The following ZNF492 variants were observed in gnomAD, a reference collection of about 807,000 sequenced individuals.
ZNF492 encodes zinc finger protein 492, also known as zinc finger protein 115 (Y20).
In ZNF492, 3 loss-of-function variants were observed where a neutral mutation model predicts 6.4. The observed-to-expected ratio is 0.47, with a 90% confidence interval of 0.21 to 1.22. The LOEUF is 1.22. Among genes scored for constraint, ZNF492 ranks in the 50% most tolerant of loss-of-function variants. ZNF492 has a pLI of 0.22. For missense variants in ZNF492, 356 were observed against 612.5 expected, an observed-to-expected ratio of 0.58 and a Z score of 4.42; for synonymous variants, 112 against 205.3, an observed-to-expected ratio of 0.55 and a Z score of 3.89.
At chr19:22,655,972 G>A (rs544495498) in intron 3 of ZNF492, among the ~76,000 whole-genome samples, 8 of 143,108 alleles carry the variant, frequency 5.6e-5, no homozygotes, top group Admixed American at 1.4e-4. Flanking sequence ...CTACAGGTGC[G>A]TGCCACCATG....
At chr19:22,656,968 G>T (rs1446450393) in intron 3 of ZNF492, among the ~76,000 whole-genome samples, 2 of 152,026 alleles carry the variant, frequency 1.3e-5, no homozygotes, top group Non-Finnish European at 2.9e-5. Flanking sequence ...CTCTCATAAA[G>T]GCATTTTTGT....
chr19:22,651,797 A>C (rs1971942228), intron 1 of ZNF492, among the ~76,000 whole-genome samples: 1 of 152,120 alleles, frequency 6.6e-6, no homozygotes, highest in South Asian at 2.1e-4. Context: ...AAATAAGATT[A>C]AGAAAATGCT....
intron 3 of ZNF492, among the ~76,000 whole-genome samples, chr19:22,655,887 C>T (rs554373815): frequency 2.4e-4 from 32 of 134,182 alleles, no homozygotes; most frequent in African/African-American, 9.0e-4. Context: ...TGCAGTGGCG[C>T]GGCCTCGGCT....
chr19:22,641,717 T>C (rs8112981), intron 1 of ZNF492, among the ~76,000 whole-genome samples: 6,712 of 152,284 alleles, frequency 0.044, 195 homozygotes, highest in Middle Eastern at 0.068. Context: ...CCCACTATTA[T>C]TGTGTCAGTA....
rs1267190954 is a variant in ZNF492, at chr19:22,659,361, G to T, written c.131-4439G>T. On this transcript the variant is annotated intron_variant, in intron 3 of 3. Transcript: ENST00000456783. Reference sequence around the variant, plus strand: ...TGAGAACCATGTGTGTCCTGGTGTTGAGGGGTGTTTTCTATACCTCTGTTA... The same window carrying T: ...TGAGAACCATGTGTGTCCTGGTGTTTAGGGGTGTTTTCTATACCTCTGTTA... 2.0e-5 allele frequency among the ~76,000 whole-genome samples: 3 copies of T among 151,170 alleles called. No individual in the cohort carries two copies. In the East Asian group the frequency reaches 5.8e-4, roughly 29 times the overall value.
rs561392563 is a variant in ZNF492 at position 22,653,352 on chromosome 19, G to A, written c.-48G>A. On this transcript the variant is annotated 5_prime_UTR_variant, in exon 2 of 4. Transcript: ENST00000456783. The stretch of plus-strand genomic sequence containing the variant: ...TGTGGCCATAGAATTCTCTCTGGAG[G>A]AGTGGCAATGCCTGGACACCGCACA... 3.1e-5 allele frequency: 50 copies of A among 1,613,800 alleles called. 1 individual carries two copies. The highest frequency in any genetic ancestry group is 4.2e-5 in the Non-Finnish European group (49 of 1,179,952).
chr19:22,664,516 T>C lies in ZNF492; in HGVS notation c.847T>C (p.Cys283Arg), dbSNP rs202184854. Reference protein sequence around the residue: ...IIHAGEKPYKCEECGKAFSQS... With the variant: ...IIHAGEKPYKREECGKAFSQS... ...TCATGCTGGAGAGAAACCTTACAAA[T>C]GTGAAGAATGTGGCAAAGCTTTTAG... Residue 283 changes from cysteine (C) to arginine (R), a missense_variant, in exon 4 of 4, where the codon TGT (cysteine) becomes CGT (arginine). Cys to Arg is a radical substitution (Grantham distance 180). Around this residue, in one of 7 missense-constraint regions of ZNF492, gnomAD observed 7 missense variants for 68.6 expected, o/e 0.10. Coordinates refer to ENST00000456783, the MANE Select transcript of ZNF492 (RefSeq NM_020855.3). 3 of 1,583,132 alleles carry C rather than the reference T, an allele frequency of 1.9e-6. No homozygotes were observed. Among genetic ancestry groups the C allele is most frequent in the Non-Finnish European group, 2.6e-6 (3 of 1,166,722 alleles).
chr19:22,659,561 T>TACACACACACACACACACACAC (rs569041771), intron 3 of ZNF492, among the ~76,000 whole-genome samples: 1 of 138,746 alleles, frequency 7.2e-6, no homozygotes, highest in Non-Finnish European at 1.5e-5. Context: ...TAATGTGAGA[T>TACACACACACACACACACACAC]ACACACACAC....
In ZNF492 at chr19:22,634,765, G is replaced by T. The variant is rs540962230; in HGVS notation, c.-94+291G>T. On this transcript the variant is annotated intron_variant, in intron 1 of 3. Transcript: ENST00000456783. The stretch of plus-strand genomic sequence containing the variant: ...CGTCGTGTCTCTCCCAGATTGTGCA[G>T]GGACCACGGGAGGGTGGTCAGGGGA... Among the ~76,000 whole-genome samples the T allele has an allele frequency of 2.0e-5, 3 of 152,296 alleles. No individual in the cohort carries two copies. The East Asian group carries it at 5.8e-4, about 30-fold the overall frequency.
intron 3 of ZNF492, among the ~76,000 whole-genome samples, chr19:22,656,884 A>G (rs552233197): frequency 1.3e-5 from 2 of 152,244 alleles, no homozygotes; most frequent in South Asian, 2.1e-4. Flanking sequence ...GGTTCTTGCT[A>G]CATAACCCAG....
rs1971737658 is a variant in ZNF492 at position 22,634,350 on chromosome 19, T to C, written c.-218T>C. Reference sequence around the variant, plus strand: ...TCTTTGTCTCTCGCTGCAGTCGGAGTATGGTCTAGTGTTCGCTGTTCTGCG... The same window carrying C: ...TCTTTGTCTCTCGCTGCAGTCGGAGCATGGTCTAGTGTTCGCTGTTCTGCG... On this transcript the variant is annotated 5_prime_UTR_variant, in exon 1 of 4. Coordinates refer to ENST00000456783, the MANE Select transcript of ZNF492 (RefSeq NM_020855.3). The C allele has an allele frequency of 9.5e-7, 1 of 1,048,886 alleles. No homozygotes were observed. The highest frequency in any genetic ancestry group is 1.4e-6 in the Non-Finnish European group (1 of 713,032). The allele number at this position is 1,048,886 out of a possible 1,614,324, so 65.0% of individuals were successfully genotyped here.
intron 1 of ZNF492, among the ~76,000 whole-genome samples, chr19:22,653,021 A>C (rs1971957620): frequency 6.6e-6 from 1 of 151,582 alleles, no homozygotes; most frequent in South Asian, 2.1e-4. Flanking sequence ...TAAATGTAGC[A>C]CTCAAAAATG....
At chr19:22,636,227 G>A (rs1292662505) in intron 1 of ZNF492, among the ~76,000 whole-genome samples, 3 of 151,872 alleles carry the variant, frequency 2.0e-5, no homozygotes, top group Non-Finnish European at 4.4e-5. Flanking sequence ...ACCCTCCCAA[G>A]TAGCTGGGAT....
At chr19:22,647,571 G>A (rs1971893726) in intron 1 of ZNF492, among the ~76,000 whole-genome samples, 1 of 149,146 alleles carries the variant, frequency 6.7e-6, no homozygotes, top group Non-Finnish European at 1.5e-5. Context: ...GCCCTATTTT[G>A]TTAATTTTTT....
At chr19:22,639,665 C>T (rs1226664113) in intron 1 of ZNF492, among the ~76,000 whole-genome samples, 5 of 128,352 alleles carry the variant, frequency 3.9e-5, no homozygotes, top group Non-Finnish European at 7.4e-5. Flanking sequence ...GAGCCAAGAT[C>T]GCGCCACCGC....
chr19:22,648,079 C>T (rs1971903371), intron 1 of ZNF492, among the ~76,000 whole-genome samples: 1 of 152,080 alleles, frequency 6.6e-6, no homozygotes, highest in South Asian at 2.1e-4. Flanking sequence ...TGAGATTTTT[C>T]TAGCTTTCTT....
chr19:22,639,077 T>G (rs1256207177), intron 1 of ZNF492, among the ~76,000 whole-genome samples: 1 of 151,998 alleles, frequency 6.6e-6, no homozygotes, highest in Non-Finnish European at 1.5e-5. Flanking sequence ...CCTGACCTCG[T>G]GATCCACCTG....
intron 1 of ZNF492, among the ~76,000 whole-genome samples, chr19:22,642,423 A>G (rs112762358): frequency 1.1e-5 from 1 of 89,632 alleles, no homozygotes. Flanking sequence ...GGAGTCTCGC[A>G]CTGTTGCCCA....
rs1420520518 is a variant in ZNF492 at position 22,665,678 on chromosome 19, T to C, written c.*413T>C. ...GTATTAGAGCAAACCCTGAGGCAATTGCTCAAACTTTGTTCAACATCAGAG... is the reference window on the plus strand; with the variant it reads ...GTATTAGAGCAAACCCTGAGGCAATCGCTCAAACTTTGTTCAACATCAGAG... On this transcript the variant is annotated 3_prime_UTR_variant, in exon 4 of 4. Transcript: ENST00000456783. 6.3e-6 allele frequency: 1 copy of C among 159,868 alleles called. No homozygotes were observed. The highest frequency in any genetic ancestry group is 1.4e-5 in the Non-Finnish European group (1 of 72,796). The allele number at this position is 159,868 out of a possible 1,614,324, so 9.9% of individuals were successfully genotyped here. A position where few individuals can be genotyped will look rare whatever the true frequency, so the allele number is the denominator to read the frequency against.
Sources: gnomAD v4.1 joint callset for allele counts (sites outside exome capture counted in the v4.1 genomes callset) on GRCh38, gnomAD v4.1.1 for gene constraint, gnomAD v4.1.1 regional missense constraint, MANE v1.5 for transcripts, NCBI Gene and HGNC (gene_info 2026-07-23, HGNC 2026-07-21) for gene names.